PTPRD: variants seen among roughly 807,000 people sequenced by gnomAD.
PTPRD encodes the protein protein tyrosine phosphatase receptor type D.
In PTPRD, 34 loss-of-function variants were observed where a neutral mutation model predicts 214.5. That is an observed-to-expected ratio of 0.16 (90% confidence interval 0.12 to 0.21). PTPRD has a LOEUF of 0.21. Among genes scored for constraint, PTPRD ranks in the 10% least tolerant of loss-of-function variants. The pLI is 1.00. For synonymous variants in PTPRD, 1,128 were observed against 845.7 expected (o/e 1.33, Z -5.79); for missense variants, 2,545 against 2,398.7 (o/e 1.06, Z -1.27).
At chr9:9,208,440 T>C (rs1231779452) in intron 9 of PTPRD, among the ~76,000 whole-genome samples, 4 of 152,102 alleles carry the variant, frequency 2.6e-5, no homozygotes, top group Non-Finnish European at 4.4e-5. Flanking sequence ...AGATCTATCT[T>C]CACATTTTAA....
At chr9:8,392,094 T>G (rs758021015) in intron 36 of PTPRD, among the ~76,000 whole-genome samples, 1 of 151,982 alleles carries the variant, frequency 6.6e-6, no homozygotes, top group Non-Finnish European at 1.5e-5. Flanking sequence ...TTTAAGAATT[T>G]AGGAATTGGG....
At chr9:8,402,764 G>A (rs1191695565) in intron 36 of PTPRD, among the ~76,000 whole-genome samples, 1 of 151,764 alleles carries the variant, frequency 6.6e-6, no homozygotes, top group Non-Finnish European at 1.5e-5. Flanking sequence ...ATCCACATAT[G>A]TTAATTACAG....
At chr9:9,020,164 T>G (rs932788812) in intron 10 of PTPRD, among the ~76,000 whole-genome samples, 1 of 152,194 alleles carries the variant, frequency 6.6e-6, no homozygotes, top group African/African-American at 2.4e-5. Context: ...TCTAAACTCA[T>G]CAAATGGTAT....
chr9:9,033,197 T>C (rs2099611165), intron 10 of PTPRD, among the ~76,000 whole-genome samples: 1 of 152,248 alleles, frequency 6.6e-6, no homozygotes, highest in Middle Eastern at 3.4e-3. Context: ...AGTAATCATA[T>C]CAGTGTTTTC....
intron 5 of PTPRD, among the ~76,000 whole-genome samples, chr9:9,863,114 A>T (rs1226126282): frequency 6.6e-6 from 1 of 152,182 alleles, no homozygotes; most frequent in African/African-American, 2.4e-5. Flanking sequence ...GAAAATGCTG[A>T]ATTAGGAAAT....
At position 9,278,821 on chromosome 9, in the gene PTPRD, T is replaced by C. The variant is rs534374055; in HGVS notation, c.-202-95458A>G. Reference sequence around the variant, plus strand: ...CCTGGGATATAGTAGGTATATCTAATATTGTGTTTTTTCCTCTCTCTCACT... The same window carrying C: ...CCTGGGATATAGTAGGTATATCTAACATTGTGTTTTTTCCTCTCTCTCACT... On this transcript the variant is annotated intron_variant, in intron 9 of 45. Coordinates refer to ENST00000381196, the MANE Select transcript of PTPRD (RefSeq NM_002839.4). Among the ~76,000 whole-genome samples the C allele has an allele frequency of 5.9e-5, 9 of 151,460 alleles. No individual in the cohort carries two copies. In the South Asian group the frequency reaches 1.7e-3, roughly 28 times the overall value.
At chr9:8,319,520 TTTATA>T (rs1211046611) in intron 45 of PTPRD, among the ~76,000 whole-genome samples, 1 of 151,862 alleles carries the variant, frequency 6.6e-6, no homozygotes, top group Non-Finnish European at 1.5e-5. Flanking sequence ...TATTTATATA[TTTATA>T]TTATAGGACT....
intron 8 of PTPRD, among the ~76,000 whole-genome samples, chr9:9,510,949 G>A (rs1287937572): frequency 6.6e-6 from 1 of 151,654 alleles, no homozygotes; most frequent in Non-Finnish European, 1.5e-5. Context: ...TAAAGATGGA[G>A]GCTGAAAGTA....
intron 9 of PTPRD, among the ~76,000 whole-genome samples, chr9:9,235,134 G>A (rs7851463): frequency 1.3e-5 from 2 of 152,036 alleles, no homozygotes; most frequent in African/African-American, 2.4e-5. Context: ...ACTTCTCAGG[G>A]TGGCGGGAGA....
chr9:9,954,233 C>T (rs2093697760), intron 4 of PTPRD, among the ~76,000 whole-genome samples: 2 of 129,726 alleles, frequency 1.5e-5, no homozygotes, highest in Non-Finnish European at 3.1e-5. Context: ...GAGGAGGCTA[C>T]AGTGAGCCAA....
chr9:8,778,466 C>T (rs1257109088), intron 11 of PTPRD, among the ~76,000 whole-genome samples: 1 of 152,192 alleles, frequency 6.6e-6, no homozygotes, highest in African/African-American at 2.4e-5. Context: ...GCGACCGTGT[C>T]TGGACAGATT....
At chr9:10,537,853 T>C (rs896441831) in intron 2 of PTPRD, among the ~76,000 whole-genome samples, 8 of 152,168 alleles carry the variant, frequency 5.3e-5, no homozygotes, top group Middle Eastern at 3.2e-3. Flanking sequence ...CTAAAGATGG[T>C]TGCCAGATCA....
At chr9:8,704,242 C>T (rs566741911) in intron 12 of PTPRD, among the ~76,000 whole-genome samples, 3 of 152,046 alleles carry the variant, frequency 2.0e-5, no homozygotes, top group South Asian at 4.2e-4. Context: ...TGCCTTCCCC[C>T]CTCCCACTCC....
At chr9:8,946,086 A>C (rs952636717) in intron 11 of PTPRD, among the ~76,000 whole-genome samples, 1 of 152,202 alleles carries the variant, frequency 6.6e-6, no homozygotes, top group Non-Finnish European at 1.5e-5. Flanking sequence ...CTTGCTAGCA[A>C]AATGTAAATA....
intron 7 of PTPRD, among the ~76,000 whole-genome samples, chr9:9,612,447 T>C (rs1449123412): frequency 6.6e-6 from 1 of 152,160 alleles, no homozygotes; most frequent in African/African-American, 2.4e-5. Flanking sequence ...CATCTGCAGT[T>C]TGCACCTGTT....
At chr9:9,750,237 A>T (rs563798059) in intron 6 of PTPRD, among the ~76,000 whole-genome samples, 110 of 152,304 alleles carry the variant, frequency 7.2e-4, no homozygotes, top group African/African-American at 2.5e-3. Flanking sequence ...TACTTTATGT[A>T]ACTATTATTG....
intron 3 of PTPRD, among the ~76,000 whole-genome samples, chr9:10,311,828 T>A (rs961792805): frequency 6.6e-6 from 1 of 152,176 alleles, no homozygotes; most frequent in African/African-American, 2.4e-5. Context: ...CCACACGCGG[T>A]AATTCTGATG....
intron 3 of PTPRD, among the ~76,000 whole-genome samples, chr9:10,240,972 G>C (rs1250404027): frequency 1.3e-5 from 2 of 149,972 alleles, no homozygotes; most frequent in African/African-American, 4.9e-5. Context: ...TACAACAAAG[G>C]CCTCATATAT....
intron 3 of PTPRD, among the ~76,000 whole-genome samples, chr9:10,069,666 A>G (rs2097957388): frequency 6.6e-6 from 1 of 152,048 alleles, no homozygotes; most frequent in Admixed American, 6.6e-5. Flanking sequence ...ATACAAAAAG[A>G]TTTCAATTTT....
Sources: gnomAD v4.1 joint callset for allele counts (sites outside exome capture counted in the v4.1 genomes callset) on GRCh38, gnomAD v4.1.1 for gene constraint, MANE v1.5 for transcripts, NCBI Gene and HGNC (gene_info 2026-07-23, HGNC 2026-07-21) for gene names.